DCAF10: variants seen among roughly 807,000 people sequenced by gnomAD.
The protein encoded by DCAF10 is DDB1 and CUL4 associated factor 10, also known as DDB1- and CUL4-associated factor 10.
Under a neutral mutation model 51.9 loss-of-function variants are expected in DCAF10, and 19 were observed. The observed-to-expected ratio is 0.37, with a 90% CI of 0.26 to 0.54. The LOEUF (loss-of-function observed/expected upper bound fraction) is 0.54. DCAF10 is among the 20% of genes least tolerant of loss of function. The pLI, the probability that DCAF10 is intolerant of heterozygous loss-of-function variation, is 0.87. For synonymous variants in DCAF10, 291 were observed against 297.1 expected, an observed-to-expected ratio of 0.98 and a Z score of 0.21; for missense variants, 510 against 730.6, an observed-to-expected ratio of 0.70 and a Z score of 3.48.
intron 5 of DCAF10, 111 bp from the exon 6 acceptor site, chr9:37,859,937 A>G: frequency 7.8e-7 from 1 of 1,287,860 alleles, no homozygotes; most frequent in Non-Finnish European, 1.1e-6. Flanking sequence ...CATAAGGGGC[A>G]GACTAAGGAA....
chr9:37,819,674 T>C (rs1314654185), intron 2 of DCAF10, among the ~76,000 whole-genome samples: 1 of 152,250 alleles, frequency 6.6e-6, no homozygotes, highest in Non-Finnish European at 1.5e-5. Context: ...ACCTCAGCCA[T>C]GTATTATGCT....
intron 2 of DCAF10, among the ~76,000 whole-genome samples, chr9:37,822,071 C>A (rs972799557): frequency 4.6e-5 from 7 of 152,074 alleles, no homozygotes; most frequent in African/African-American, 1.7e-4. Context: ...AATGCGATAC[C>A]GCCTTACTCC....
intron 3 of DCAF10, among the ~76,000 whole-genome samples, chr9:37,854,097 ATT>A (rs1030726610): frequency 2.1e-5 from 3 of 145,112 alleles, no homozygotes; most frequent in Non-Finnish European, 3.0e-5. Flanking sequence ...TGAAGTTTCA[ATT>A]TTTTTTTTTT....
At chr9:37,850,520 C>T (rs1202305939) in intron 3 of DCAF10, among the ~76,000 whole-genome samples, 1 of 151,690 alleles carries the variant, frequency 6.6e-6, no homozygotes, top group African/African-American at 2.4e-5. Context: ...ACAAAATAAG[C>T]CAGGCTCAGA....
chr9:37,833,105 A>G (rs1376411546), intron 2 of DCAF10, among the ~76,000 whole-genome samples: 2 of 152,154 alleles, frequency 1.3e-5, no homozygotes, highest in South Asian at 2.1e-4. Flanking sequence ...ACCTCAAGCA[A>G]TCCACCTCGC....
intron 3 of DCAF10, among the ~76,000 whole-genome samples, chr9:37,850,878 AT>A (rs1564048948): frequency 1.6e-3 from 151 of 94,026 alleles, no homozygotes; most frequent in East Asian, 0.013. Flanking sequence ...ATATATATAT[AT>A]ATAAATTAGC....
chr9:37,859,497 A>C (rs912289875), intron 5 of DCAF10, among the ~76,000 whole-genome samples: 15 of 152,196 alleles, frequency 9.9e-5, no homozygotes, highest in African/African-American at 3.4e-4. Flanking sequence ...TTGTTTTGAC[A>C]TGCCTTTATG....
At chr9:37,855,101 T>A in intron 4 of DCAF10, 119 bp downstream of exon 4, 1 of 913,282 alleles carries the variant, frequency 1.1e-6, no homozygotes, top group Non-Finnish European at 1.6e-6. Context: ...TTAAAAGGCA[T>A]TCTTTAGAAA....
chr9:37,837,227 G>A (rs772087594), intron 2 of DCAF10, among the ~76,000 whole-genome samples: 11 of 152,110 alleles, frequency 7.2e-5, no homozygotes, highest in African/African-American at 2.2e-4. Flanking sequence ...TTGGGAGGCC[G>A]AGGCAGGCGG....
chr9:37,842,237 T>G lies in DCAF10; in HGVS notation c.802T>G (p.Leu268Val). The stretch of plus-strand genomic sequence containing the variant: ...CGAATATGATACTAATACAAGACTC[T>G]TAGTAACATCAGGATTTGATGGAAA... ...NIEYDTNTRL[L>V]VTSGFDGNVI... Residue 268 changes from leucine to valine, a missense_variant, in exon 3 of 7, where the codon TTA becomes GTA. This residue lies in a region of DCAF10 where 126 missense variants were observed against 271.5 expected (regional missense o/e 0.46). Coordinates refer to ENST00000377724, the MANE Select transcript of DCAF10 (RefSeq NM_024345.5). 1 of 1,613,900 alleles carries G rather than the reference T, an allele frequency of 6.2e-7. No homozygotes were observed. The highest frequency in any genetic ancestry group is 8.5e-7 in the Non-Finnish European group (1 of 1,179,898).
intron 2 of DCAF10, among the ~76,000 whole-genome samples, chr9:37,833,417 A>T (rs575169093): frequency 1.2e-4 from 18 of 152,360 alleles, no homozygotes; most frequent in African/African-American, 4.3e-4. Context: ...AACAATTTTA[A>T]GTGGGGGATC....
At chr9:37,819,576 T>G (rs554805940) in intron 2 of DCAF10, among the ~76,000 whole-genome samples, 175 bp downstream of exon 2, 10 of 152,338 alleles carry the variant, frequency 6.6e-5, no homozygotes, top group African/African-American at 2.4e-4. Flanking sequence ...AAACTTACTC[T>G]TAGCTATGTT....
intron 1 of DCAF10, among the ~76,000 whole-genome samples, chr9:37,807,907 C>G (rs745913177): frequency 2.0e-5 from 3 of 152,170 alleles, no homozygotes; most frequent in African/African-American, 7.2e-5. Context: ...GGTGATCCAC[C>G]CACCTCAGCC....
intron 2 of DCAF10, among the ~76,000 whole-genome samples, chr9:37,835,382 C>T (rs11790714): frequency 0.12 from 18,458 of 151,978 alleles, 1,398 homozygotes; most frequent in East Asian, 0.29. Flanking sequence ...AGTTTGAGAC[C>T]AGCCTGGCCA....
chr9:37,859,978 A>G (rs1319510409), intron 5 of DCAF10, 70 bp from the exon 6 acceptor site: 2 of 1,583,732 alleles, frequency 1.3e-6, no homozygotes, highest in Non-Finnish European at 1.7e-6. Flanking sequence ...GCCAGAAATA[A>G]AAAGCTTTGA....
intron 2 of DCAF10, among the ~76,000 whole-genome samples, chr9:37,824,794 A>G (rs1188406791): frequency 2.0e-5 from 3 of 152,164 alleles, no homozygotes; most frequent in Admixed American, 2.0e-4. Flanking sequence ...GAAATTATCA[A>G]TATCAGACAG....
In DCAF10 at chr9:37,863,718, G is replaced by C. The variant is rs2118220328; in HGVS notation, c.*2210G>C. The C allele has an allele frequency of 1.3e-5, 2 of 152,246 alleles. No homozygotes were observed. Among genetic ancestry groups the C allele is most frequent in the South Asian group, 4.1e-4 (2 of 4,832 alleles). The allele number at this position is 152,246 out of a possible 1,614,324, so 9.4% of individuals were successfully genotyped here. A position where few individuals can be genotyped will look rare whatever the true frequency, so the allele number is the denominator to read the frequency against. ...ATGGGAGTAGATGCTGAGAATTCTA[G>C]CCATAAGAAGAAAAGTATTTTAAAT... On this transcript the variant is annotated 3_prime_UTR_variant, in exon 7 of 7. Transcript: ENST00000377724.
chr9:37,831,010 G>A (rs1192568725), intron 2 of DCAF10, among the ~76,000 whole-genome samples: 2 of 152,196 alleles, frequency 1.3e-5, no homozygotes, highest in Admixed American at 1.3e-4. Context: ...ATTGCCTGAG[G>A]TCAGGAGTTC....
intron 3 of DCAF10, among the ~76,000 whole-genome samples, chr9:37,852,491 G>A (rs968061079): frequency 1.3e-5 from 2 of 152,114 alleles, no homozygotes; most frequent in South Asian, 2.1e-4. Flanking sequence ...CCAGCTACTC[G>A]GAAGGCTGAA....
Sources: gnomAD v4.1 joint callset for allele counts (sites outside exome capture counted in the v4.1 genomes callset) on GRCh38, gnomAD v4.1.1 for gene constraint, gnomAD v4.1.1 regional missense constraint, MANE v1.5 for transcripts, NCBI Gene and HGNC (gene_info 2026-07-23, HGNC 2026-07-21) for gene names.